Variants in BEND7 observed in about 807,000 individuals in gnomAD.
BEND7 encodes BEN domain-containing protein 7.
A neutral mutation model predicts 50.9 loss-of-function variants in BEND7; 28 were observed. That is an observed-to-expected ratio of 0.55 (90% confidence interval 0.41 to 0.75). The LOEUF is 0.75. Among genes scored for constraint, BEND7 ranks in the 30% least tolerant of loss-of-function variants. The pLI is 0.00. For missense variants in BEND7, 477 were observed against 491.3 expected (o/e 0.97, Z 0.28); for synonymous variants, 170 against 183.9 (o/e 0.92, Z 0.61).
At chr10:13,487,656 G>A (rs7894129) in intron 5 of BEND7, among the ~76,000 whole-genome samples, 4,210 of 152,050 alleles carry the variant, frequency 0.028, 201 homozygotes, top group African/African-American at 0.097. Context: ...AAAGTGCTAG[G>A]ATTACAGGCG....
At chr10:13,487,134 G>C (rs907309683) in intron 5 of BEND7, among the ~76,000 whole-genome samples, 1 of 152,116 alleles carries the variant, frequency 6.6e-6, no homozygotes, top group African/African-American at 2.4e-5. Flanking sequence ...ACATTTATTT[G>C]CTATTTACTA....
At chr10:13,467,296 G>A (rs1022776589) in intron 6 of BEND7, among the ~76,000 whole-genome samples, 4 of 152,172 alleles carry the variant, frequency 2.6e-5, no homozygotes, top group African/African-American at 4.8e-5. Context: ...GGAAGTATAC[G>A]GATGTGTCAA....
intron 6 of BEND7, among the ~76,000 whole-genome samples, chr10:13,462,594 G>A (rs978965782): frequency 8.5e-5 from 13 of 152,194 alleles, no homozygotes; most frequent in African/African-American, 3.1e-4. Context: ...GAGTGGAACA[G>A]GGAGATAGAT....
At chr10:13,479,748 G>A (rs527990766) in intron 6 of BEND7, among the ~76,000 whole-genome samples, 1 of 152,266 alleles carries the variant, frequency 6.6e-6, no homozygotes, top group Middle Eastern at 3.4e-3. Context: ...CAACTCAACT[G>A]TCACTTTAAG....
At chr10:13,513,970 G>A (rs1367734538) in intron 2 of BEND7, among the ~76,000 whole-genome samples, 5 of 152,170 alleles carry the variant, frequency 3.3e-5, no homozygotes, top group African/African-American at 1.2e-4. Context: ...TCCAAGAAGC[G>A]ACTGTCTGTG....
intron 6 of BEND7, among the ~76,000 whole-genome samples, chr10:13,465,424 C>T (rs925447210): frequency 1.1e-4 from 16 of 152,160 alleles, no homozygotes; most frequent in Non-Finnish European, 2.1e-4. Flanking sequence ...GCGGGGCAGT[C>T]AGTCGTACAA....
At chr10:13,452,909 T>C (rs530303076) in intron 6 of BEND7, among the ~76,000 whole-genome samples, 22 of 152,348 alleles carry the variant, frequency 1.4e-4, no homozygotes, top group Admixed American at 9.1e-4. Context: ...GAAGCTACTC[T>C]TTCTACTGGC....
intron 2 of BEND7, among the ~76,000 whole-genome samples, chr10:13,518,165 A>G (rs1564413475): frequency 6.6e-6 from 1 of 152,236 alleles, no homozygotes; most frequent in Non-Finnish European, 1.5e-5. Flanking sequence ...AAAGTAAAAG[A>G]CCACAATATA....
chr10:13,458,360 G>A (rs777250348), intron 6 of BEND7, among the ~76,000 whole-genome samples: 1 of 152,204 alleles, frequency 6.6e-6, no homozygotes, highest in Non-Finnish European at 1.5e-5. Flanking sequence ...CCCAAACAGT[G>A]ATCTAGCCAC....
rs1298044457 is a variant in BEND7 at position 13,496,786 on chromosome 10, T to G, written c.551A>C (p.Lys184Thr). ...AILQELKTMR[K>T]LMQIQAVGTQ... ...TGTACCTGCTTGAATTTGCATTAAT[T>G]TCCTCATGGTCTTGAGTTCTTGTAG... Residue 184 changes from lysine to threonine, a missense_variant, in exon 4 of 9, where the codon AAA (lysine) becomes ACA (threonine). Physicochemically the swap from Lys to Thr is moderately conservative, Grantham distance 78 (BLOSUM62 -1). Transcript: ENST00000466271. 1.9e-6 allele frequency: 3 copies of G among 1,613,768 alleles called. No individual in the cohort carries two copies. The highest frequency in any genetic ancestry group is 2.5e-6 in the Non-Finnish European group (3 of 1,179,888).
intron 5 of BEND7, among the ~76,000 whole-genome samples, chr10:13,484,252 G>A (rs1051876894): frequency 6.6e-6 from 1 of 152,202 alleles, no homozygotes; most frequent in African/African-American, 2.4e-5. Flanking sequence ...TGCTATCTAC[G>A]TGTGCCAGGT....
intron 8 of BEND7, chr10:13,443,778 T>C (rs1835721923): frequency 6.6e-6 from 1 of 152,182 alleles, no homozygotes; most frequent in Non-Finnish European, 1.5e-5. Context: ...AAAATGCTTG[T>C]TAGGTAAAAA....
At chr10:13,439,326 C>T, downstream of BEND7, 1 of 1,614,106 alleles carries the variant, frequency 6.2e-7, no homozygotes, top group Non-Finnish European at 8.5e-7. Flanking sequence ...GGACAAAGCT[C>T]CTGTTTCAGC....
At chr10:13,513,886 C>T (rs1221808380) in intron 2 of BEND7, among the ~76,000 whole-genome samples, 1 of 152,210 alleles carries the variant, frequency 6.6e-6, no homozygotes, top group African/African-American at 2.4e-5. Flanking sequence ...GGTCTGGCTG[C>T]ACATGAGAAC....
intron 6 of BEND7, among the ~76,000 whole-genome samples, chr10:13,479,349 T>A (rs1020738404): frequency 1.1e-4 from 16 of 151,972 alleles, no homozygotes; most frequent in African/African-American, 3.9e-4. Context: ...CTAGTGTAGA[T>A]GGAAAATGGC....
intron 5 of BEND7, 124 bp from the exon 6 acceptor site, chr10:13,481,248 T>G (rs1445030706): frequency 1.1e-6 from 1 of 875,330 alleles, no homozygotes; most frequent in African/African-American, 1.7e-5. Flanking sequence ...GAAAACACTC[T>G]TGGCTTTCTT....
intron 5 of BEND7, among the ~76,000 whole-genome samples, chr10:13,488,569 T>G (rs1021957655): frequency 1.3e-5 from 2 of 151,838 alleles, no homozygotes; most frequent in Non-Finnish European, 2.9e-5. Flanking sequence ...CTCACTGCAA[T>G]CTTCGACTCC....
chr10:13,513,011 T>C (rs575147086), intron 2 of BEND7, among the ~76,000 whole-genome samples: 4 of 152,346 alleles, frequency 2.6e-5, no homozygotes, highest in African/African-American at 7.2e-5. Flanking sequence ...CATGATGACC[T>C]AGAACGCACA....
intron 2 of BEND7, among the ~76,000 whole-genome samples, chr10:13,503,736 C>CA (rs573611466): frequency 6.6e-6 from 1 of 150,944 alleles, no homozygotes; most frequent in Non-Finnish European, 1.5e-5. Context: ...AACAAACAAA[C>CA]AACAACTAAA....
Sources: allele counts gnomAD v4.1 joint callset (sites outside exome capture counted in the v4.1 genomes callset), GRCh38; gene constraint gnomAD v4.1.1; transcripts MANE v1.5; gene names NCBI Gene and HGNC (gene_info 2026-07-23, HGNC 2026-07-21).